The following LNX1 variants were observed in gnomAD, a reference collection of about 807,000 sequenced individuals.
LNX1 encodes ligand of numb-protein X 1.
LNX1 carries 54 observed loss-of-function variants against 68.4 expected under a neutral mutation model. The ratio of observed to expected loss-of-function variants is 0.79; its 90% CI spans 0.63 to 0.99. The LOEUF is 0.99. Ranked by LOEUF, LNX1 falls within the 50% of genes least tolerant of loss-of-function variation. The pLI is 0.00. For synonymous variants in LNX1, 336 were observed against 350.0 expected, an observed-to-expected ratio of 0.96 and a Z score of 0.45; for missense variants, 906 against 926.4, an observed-to-expected ratio of 0.98 and a Z score of 0.29.
chr4:53,545,960 C>T (rs553699285), intron 2 of LNX1, among the ~76,000 whole-genome samples: 9 of 152,162 alleles, frequency 5.9e-5, no homozygotes, highest in Middle Eastern at 6.8e-3. Flanking sequence ...GTGCACCTCA[C>T]CATGCCCAGA....
At chr4:53,610,791 A>T (rs183517504) in intron 2 of LNX1, among the ~76,000 whole-genome samples, 2 of 151,812 alleles carry the variant, frequency 1.3e-5, no homozygotes, top group East Asian at 3.9e-4. Context: ...GAGATAAATA[A>T]AGGCAAAAGC....
intron 2 of LNX1, among the ~76,000 whole-genome samples, chr4:53,529,047 T>C (rs1023120368): frequency 1.3e-5 from 2 of 151,200 alleles, no homozygotes; most frequent in African/African-American, 4.9e-5. Flanking sequence ...TTTCAGTTCA[T>C]GAACCATTCT....
chr4:53,511,189 G>A (rs142407662), intron 2 of LNX1, among the ~76,000 whole-genome samples: 12 of 152,326 alleles, frequency 7.9e-5, no homozygotes, highest in Non-Finnish European at 1.5e-4. Context: ...ACTGTGTAAT[G>A]TTAGCTTTCT....
chr4:53,588,726 G>T (rs1444300550), intron 1 of LNX1, among the ~76,000 whole-genome samples: 1 of 152,114 alleles, frequency 6.6e-6, no homozygotes, highest in African/African-American at 2.4e-5. Flanking sequence ...CAGGGGGGTT[G>T]AGGTTCTCCC....
intron 2 of LNX1, among the ~76,000 whole-genome samples, chr4:53,606,597 C>A (rs1479651390): frequency 2.0e-5 from 3 of 152,104 alleles, no homozygotes; most frequent in Admixed American, 2.0e-4. Flanking sequence ...GAGGGACTCC[C>A]TAACTCATTC....
intron 4 of LNX1, among the ~76,000 whole-genome samples, chr4:53,499,873 G>A (rs1560629870): frequency 6.6e-6 from 1 of 152,204 alleles, no homozygotes. Context: ...TTCAGAGCAA[G>A]GAGATTCAAA....
At chr4:53,541,477 TA>T (rs563841665) in intron 2 of LNX1, among the ~76,000 whole-genome samples, 399 of 149,692 alleles carry the variant, frequency 2.7e-3, no homozygotes, top group Non-Finnish European at 3.8e-3. Flanking sequence ...ATTTCATATA[TA>T]TTTTTTTTCT....
chr4:53,483,137 C>G (rs115350887), intron 6 of LNX1, among the ~76,000 whole-genome samples: 2,355 of 152,108 alleles, frequency 0.015, 59 homozygotes, highest in African/African-American at 0.054. Flanking sequence ...GTGGGTCTTT[C>G]CCATGCTGTT....
chr4:53,575,834 G>C, intron 1 of LNX1: 2 of 1,589,220 alleles, frequency 1.3e-6, no homozygotes, highest in South Asian at 2.3e-5. Flanking sequence ...CAGCTACTAG[G>C]GGACCTAAAC....
chr4:53,476,906 C>G lies in LNX1; in HGVS notation c.1739G>C (p.Arg580Thr). The change falls in exon 9 of 11, where the codon AGA becomes ACA. Residue 580 changes from arginine (R) to threonine (T), a missense_variant. Physicochemically the swap from Arg to Thr is moderately conservative, Grantham distance 71. Transcript: ENST00000263925. ...SRSEAVALLK[R>T]TSSSIVLKAL... ...TTTGAGTACTATCGAGGATGATGTT[C>G]TTTTCAATAATGCCACTGCCTCACT... 4 of 1,614,200 alleles carry G rather than the reference C, an allele frequency of 2.5e-6. No homozygotes were observed. Among genetic ancestry groups the G allele is most frequent in the Non-Finnish European group, 3.4e-6 (4 of 1,180,042 alleles).
chr4:53,614,342 C>T (rs1733606186), intron 2 of LNX1, among the ~76,000 whole-genome samples: 1 of 152,166 alleles, frequency 6.6e-6, no homozygotes, highest in Admixed American at 6.5e-5. Context: ...TCCCATGACA[C>T]ACCATTTCAT....
intron 4 of LNX1, chr4:53,501,780 A>T (rs1024358607): frequency 3.9e-5 from 6 of 152,220 alleles, no homozygotes; most frequent in Non-Finnish European, 5.9e-5. Flanking sequence ...GTTGCCTCAC[A>T]AATGCTGTGA....
chr4:53,606,281 A>T (rs1018389812), intron 2 of LNX1, among the ~76,000 whole-genome samples: 3 of 152,038 alleles, frequency 2.0e-5, no homozygotes, highest in African/African-American at 7.2e-5. Context: ...AATATAAAAA[A>T]CCCTCAGAAA....
chr4:53,540,851 G>A (rs1728710122), intron 2 of LNX1, among the ~76,000 whole-genome samples: 1 of 152,012 alleles, frequency 6.6e-6, no homozygotes, highest in Non-Finnish European at 1.5e-5. Context: ...ATAAATGGCA[G>A]GAGAGCTGGG....
At chr4:53,462,305 T>C (rs1268834150) in intron 9 of LNX1, among the ~76,000 whole-genome samples, 5 of 151,994 alleles carry the variant, frequency 3.3e-5, no homozygotes. Flanking sequence ...TTGAAGAAAT[T>C]TTTATTCAGT....
intron 2 of LNX1, among the ~76,000 whole-genome samples, chr4:53,536,235 C>G (rs950788754): frequency 1.3e-5 from 2 of 152,184 alleles, no homozygotes; most frequent in African/African-American, 2.4e-5. Context: ...TCAGGTCAGT[C>G]TCTTAGTGGA....
At chr4:53,629,716 C>T (rs1280084736) in intron 1 of LNX1, among the ~76,000 whole-genome samples, 1 of 152,120 alleles carries the variant, frequency 6.6e-6, no homozygotes, top group Non-Finnish European at 1.5e-5. Context: ...TTAGGGTAAT[C>T]AGAGGTGGTA....
At chr4:53,567,978 A>C (rs1036082879) in intron 2 of LNX1, among the ~76,000 whole-genome samples, 1 of 152,118 alleles carries the variant, frequency 6.6e-6, no homozygotes, top group African/African-American at 2.4e-5. Context: ...GACCAATAAC[A>C]GGATCTGAAA....
At chr4:53,572,962 G>C (rs1403155625) in intron 2 of LNX1, among the ~76,000 whole-genome samples, 1 of 152,180 alleles carries the variant, frequency 6.6e-6, no homozygotes, top group Non-Finnish European at 1.5e-5. Flanking sequence ...CCAATACAGA[G>C]GAAATTCTAA....
Sources: gnomAD v4.1 joint callset for allele counts (sites outside exome capture counted in the v4.1 genomes callset) on GRCh38, gnomAD v4.1.1 for gene constraint, MANE v1.5 for transcripts, NCBI Gene and HGNC (gene_info 2026-07-23, HGNC 2026-07-21) for gene names.